Variants in ASXL3 observed in about 807,000 individuals in gnomAD.
ASXL3 encodes the protein ASXL transcriptional regulator 3, also known as putative Polycomb group protein ASXL3.
In ASXL3, 34 loss-of-function variants were observed where a neutral mutation model predicts 170.6. The observed-to-expected ratio is 0.20, with a 90% CI of 0.15 to 0.27. The LOEUF is 0.27. ASXL3 is among the 10% of genes least tolerant of loss of function. ASXL3 has a pLI of 1.00. For missense variants in ASXL3, 2,592 were observed against 2,695.3 expected (o/e 0.96, Z 0.85); for synonymous variants, 1,002 against 989.1 (o/e 1.01, Z -0.24).
Position 33,746,759 on chromosome 18 carries a change from G to C in ASXL3, c.*164G>C, listed in dbSNP as rs187426390. On this transcript the variant is annotated 3_prime_UTR_variant, in exon 12 of 12. Coordinates refer to ENST00000269197, the MANE Select transcript of ASXL3 (RefSeq NM_030632.3). ...TATTTTCTTGCATTTCTCATAAAGGGGAGGATGCATCCCAACTGAATGGCT... is the reference window on the plus strand; with the variant it reads ...TATTTTCTTGCATTTCTCATAAAGGCGAGGATGCATCCCAACTGAATGGCT... The C allele has an allele frequency of 3.2e-5, 38 of 1,173,452 alleles. No homozygotes were observed. In the Admixed American group the frequency reaches 7.4e-4, roughly 23 times the overall value. 72.7% of individuals were successfully genotyped at this position (1,173,452 alleles called of 1,614,324 possible). A position where few individuals can be genotyped will look rare whatever the true frequency, so the allele number is the denominator to read the frequency against.
At position 33,745,076 on chromosome 18, in the gene ASXL3, T is replaced by G. The variant is rs2067753583; in HGVS notation, c.5228T>G (p.Val1743Gly). Reference protein sequence around the residue: ...AGSSGCRLSSVEANNPLVTQL... With the variant: ...AGSSGCRLSSGEANNPLVTQL... ...AGCTCAGGCTGTCGTCTGTCCTCTG[T>G]GGAGGCTAACAATCCGCTGGTGACG... The change falls in exon 12 of 12, where the codon GTG (valine) becomes GGG (glycine). Residue 1743 changes from valine (V) to glycine (G), a missense_variant. This residue lies in a region of ASXL3 where 2,246 missense variants were observed against 2,219.6 expected (regional missense o/e 1.01). Coordinates refer to ENST00000269197, the MANE Select transcript of ASXL3 (RefSeq NM_030632.3). 6.2e-7 allele frequency: 1 copy of G among 1,614,010 alleles called. No individual in the cohort carries two copies. Among genetic ancestry groups the G allele is most frequent in the African/African-American group, 1.3e-5 (1 of 75,052 alleles).
intron 5 of ASXL3, among the ~76,000 whole-genome samples, chr18:33,663,684 A>G (rs1568312902): frequency 6.6e-6 from 1 of 152,170 alleles, no homozygotes; most frequent in Non-Finnish European, 1.5e-5. Context: ...ATGGCTCAAT[A>G]TGTAGCAAAT....
Position 33,578,566 on chromosome 18 carries a change from G to A in ASXL3, c.-66G>A. On this transcript the variant is annotated 5_prime_UTR_variant, in exon 1 of 12. Transcript: ENST00000269197. Reference sequence around the variant, plus strand: ...CGGGTCACTGGGTCATTGTCTCCGCGCCCGAACCCCGAGCACCCCGTGGAA... The same window carrying A: ...CGGGTCACTGGGTCATTGTCTCCGCACCCGAACCCCGAGCACCCCGTGGAA... The A allele has an allele frequency of 9.4e-7, 1 of 1,058,486 alleles. No individual in the cohort carries two copies. The highest frequency in any genetic ancestry group is 1.2e-6 in the Non-Finnish European group (1 of 820,024). 65.6% of individuals were successfully genotyped at this position (1,058,486 alleles called of 1,614,324 possible). A position where few individuals can be genotyped will look rare whatever the true frequency, so the allele number is the denominator to read the frequency against.
chr18:33,746,757 G>T lies in ASXL3; in HGVS notation c.*162G>T. 8.5e-7 allele frequency: 1 copy of T among 1,181,284 alleles called. No individual in the cohort carries two copies. Among genetic ancestry groups the T allele is most frequent in the Non-Finnish European group, 1.1e-6 (1 of 880,108 alleles). 73.2% of individuals were successfully genotyped at this position (1,181,284 alleles called of 1,614,324 possible). A position where few individuals can be genotyped will look rare whatever the true frequency, so the allele number is the denominator to read the frequency against. On this transcript the variant is annotated 3_prime_UTR_variant, in exon 12 of 12. Coordinates refer to ENST00000269197, the MANE Select transcript of ASXL3 (RefSeq NM_030632.3). The stretch of plus-strand genomic sequence containing the variant: ...ATTATTTTCTTGCATTTCTCATAAA[G>T]GGGAGGATGCATCCCAACTGAATGG...
At chr18:33,620,851 C>T (rs995308874) in intron 2 of ASXL3, among the ~76,000 whole-genome samples, 1 of 152,110 alleles carries the variant, frequency 6.6e-6, no homozygotes. Flanking sequence ...AATTTCTAGT[C>T]TTTATTAAAA....
At chr18:33,696,642 C>T (rs1366664698) in intron 8 of ASXL3, among the ~76,000 whole-genome samples, 1 of 151,884 alleles carries the variant, frequency 6.6e-6, no homozygotes, top group East Asian at 1.9e-4. Context: ...GTGAGGGGGG[C>T]TGGAGGCAAG....
At chr18:33,601,977 A>AT (rs1209692242) in intron 1 of ASXL3, among the ~76,000 whole-genome samples, 12 of 150,932 alleles carry the variant, frequency 8.0e-5, no homozygotes, top group Non-Finnish European at 1.5e-4. Context: ...ATTTATTTTT[A>AT]TTTTTTTAGA....
intron 8 of ASXL3, among the ~76,000 whole-genome samples, chr18:33,710,583 A>G (rs1247250879): frequency 6.6e-6 from 1 of 152,186 alleles, no homozygotes; most frequent in African/African-American, 2.4e-5. Context: ...TTTTTATCTT[A>G]TTAAAGACAT....
Position 33,578,624 on chromosome 18 carries a change from A to C in ASXL3, c.-8A>C. 1 of 1,343,376 alleles carries C rather than the reference A, an allele frequency of 7.4e-7. No homozygotes were observed. Among genetic ancestry groups the C allele is most frequent in the Non-Finnish European group, 9.8e-7 (1 of 1,020,644 alleles). The allele number at this position is 1,343,376 out of a possible 1,614,324, so 83.2% of individuals were successfully genotyped here. The stretch of plus-strand genomic sequence containing the variant: ...CGTCATCATCAGAACCATCAATGAG[A>C]TGCAAACATGAAAGACAAGAGGAAG... On this transcript the variant is annotated 5_prime_UTR_variant, in exon 1 of 12. The change abolishes an upstream ATG in the 5' untranslated region. Transcript: ENST00000269197.
intron 1 of ASXL3, among the ~76,000 whole-genome samples, chr18:33,580,749 T>G (rs113500852): frequency 1.1e-4 from 16 of 152,284 alleles, no homozygotes; most frequent in African/African-American, 3.8e-4. Flanking sequence ...AAAGACACAC[T>G]AGGAGTCATC....
chr18:33,707,472 G>C (rs903357599), intron 8 of ASXL3, among the ~76,000 whole-genome samples: 1 of 151,626 alleles, frequency 6.6e-6, no homozygotes, highest in African/African-American at 2.4e-5. Context: ...GATTTTTGCT[G>C]GTATTATAAA....
chr18:33,719,286 A>G (rs192489327), intron 8 of ASXL3, among the ~76,000 whole-genome samples: 4 of 151,628 alleles, frequency 2.6e-5, no homozygotes, highest in Admixed American at 2.6e-4. Flanking sequence ...CTTCCTTCAC[A>G]TACATCTCTG....
chr18:33,664,679 C>T (rs1209653423), intron 5 of ASXL3, among the ~76,000 whole-genome samples: 2 of 152,148 alleles, frequency 1.3e-5, no homozygotes, highest in Non-Finnish European at 2.9e-5. Context: ...TTTCTCAAGT[C>T]TGAAGGCCTG....
chr18:33,704,118 C>T (rs1429086798), intron 8 of ASXL3, among the ~76,000 whole-genome samples: 1 of 152,096 alleles, frequency 6.6e-6, no homozygotes, highest in Non-Finnish European at 1.5e-5. Context: ...ATGCATATTT[C>T]AATATGTGCT....
chr18:33,696,939 A>G (rs1047238872), intron 8 of ASXL3, among the ~76,000 whole-genome samples: 2 of 152,158 alleles, frequency 1.3e-5, no homozygotes, highest in Admixed American at 6.6e-5. Context: ...AACATCAGCT[A>G]AAGTAAACAT....
intron 10 of ASXL3, among the ~76,000 whole-genome samples, chr18:33,736,291 AC>A (rs1227900685): frequency 6.6e-6 from 1 of 151,568 alleles, no homozygotes; most frequent in African/African-American, 2.4e-5. Context: ...AATAAACATG[AC>A]CCCCTCATTG....
chr18:33,686,518 C>A (rs949500573), intron 8 of ASXL3, among the ~76,000 whole-genome samples: 1 of 152,082 alleles, frequency 6.6e-6, no homozygotes, highest in African/African-American at 2.4e-5. Flanking sequence ...TTAAGTTGAA[C>A]CTTAAAGGAC....
intron 4 of ASXL3, among the ~76,000 whole-genome samples, chr18:33,656,787 T>C (rs1026658058): frequency 6.6e-6 from 1 of 152,008 alleles, no homozygotes; most frequent in Non-Finnish European, 1.5e-5. Flanking sequence ...TTTGAGAAAA[T>C]AATTTAAGAA....
intron 8 of ASXL3, among the ~76,000 whole-genome samples, chr18:33,697,872 G>A (rs1205840357): frequency 6.6e-6 from 1 of 151,992 alleles, no homozygotes; most frequent in Non-Finnish European, 1.5e-5. Context: ...AAAACATTCA[G>A]CTGAAGAACT....
Sources: gnomAD v4.1 joint callset for allele counts (sites outside exome capture counted in the v4.1 genomes callset) on GRCh38, gnomAD v4.1.1 for gene constraint, gnomAD v4.1.1 regional missense constraint, MANE v1.5 for transcripts, NCBI Gene and HGNC (gene_info 2026-07-23, HGNC 2026-07-21) for gene names.